MAGI2: variants seen among roughly 807,000 people sequenced by gnomAD.
MAGI2 encodes membrane associated guanylate kinase, WW and PDZ domain containing 2, also known as membrane-associated guanylate kinase, WW and PDZ domain-containing protein 2.
MAGI2 carries 35 observed loss-of-function variants against 133.3 expected under a neutral mutation model. That is an observed-to-expected ratio of 0.26 (90% CI 0.20 to 0.35). The LOEUF (loss-of-function observed/expected upper bound fraction) is 0.35. MAGI2 is among the 10% of genes least tolerant of loss of function. MAGI2 has a pLI of 1.00. For missense variants in MAGI2, 1,636 were observed against 1,863.4 expected (o/e 0.88, Z 2.25); for synonymous variants, 729 against 710.6 (o/e 1.03, Z -0.41).
intron 20 of MAGI2, among the ~76,000 whole-genome samples, chr7:78,087,892 C>T (rs1482575260): frequency 6.6e-6 from 1 of 152,144 alleles, no homozygotes; most frequent in Non-Finnish European, 1.5e-5. Context: ...GGAAAAATAA[C>T]TACCATCATT....
intron 2 of MAGI2, among the ~76,000 whole-genome samples, chr7:78,971,735 G>T (rs961168058): frequency 6.6e-6 from 1 of 151,920 alleles, no homozygotes; most frequent in Non-Finnish European, 1.5e-5. Flanking sequence ...TACTGACTTT[G>T]CTATTTACAA....
At chr7:79,328,438 T>C (rs538952648) in intron 1 of MAGI2, among the ~76,000 whole-genome samples, 8 of 152,274 alleles carry the variant, frequency 5.3e-5, no homozygotes, top group African/African-American at 1.7e-4. Flanking sequence ...AAAATATTTA[T>C]AACTACCAAT....
At chr7:78,369,362 T>C (rs1036272573) in intron 6 of MAGI2, 149 bp from the exon 7 acceptor site, 4 of 603,742 alleles carry the variant, frequency 6.6e-6, no homozygotes, top group African/African-American at 5.6e-5. Flanking sequence ...GAACATATTA[T>C]AGAAACTATA....
intron 6 of MAGI2, among the ~76,000 whole-genome samples, chr7:78,404,733 C>T (rs1016876743): frequency 6.6e-6 from 1 of 152,116 alleles, no homozygotes; most frequent in Non-Finnish European, 1.5e-5. Context: ...AATACCTAGG[C>T]AATACCATTC....
At chr7:79,345,268 A>T (rs1585649799) in intron 1 of MAGI2, among the ~76,000 whole-genome samples, 1 of 152,250 alleles carries the variant, frequency 6.6e-6, no homozygotes, top group Non-Finnish European at 1.5e-5. Flanking sequence ...CACCATGTGA[A>T]GATGATGGAA....
At chr7:79,100,407 C>T (rs1206312877) in intron 1 of MAGI2, among the ~76,000 whole-genome samples, 1 of 151,566 alleles carries the variant, frequency 6.6e-6, no homozygotes, top group Non-Finnish European at 1.5e-5. Context: ...TATATTTTAG[C>T]CAATATAATA....
chr7:78,803,925 T>A (rs1037517272), intron 2 of MAGI2, among the ~76,000 whole-genome samples: 1 of 152,354 alleles, frequency 6.6e-6, no homozygotes, highest in East Asian at 1.9e-4. Context: ...AAGAAAGCCA[T>A]GCTTAAATCA....
chr7:79,077,596 T>A (rs2109711), intron 1 of MAGI2, among the ~76,000 whole-genome samples: 25,157 of 39,202 alleles, frequency 0.64, 7,680 homozygotes, highest in African/African-American at 0.69. Context: ...AAAAAAAAAA[T>A]AAATAAATAA....
At chr7:78,932,219 A>G (rs1173564801) in intron 2 of MAGI2, among the ~76,000 whole-genome samples, 1 of 152,054 alleles carries the variant, frequency 6.6e-6, no homozygotes, top group Non-Finnish European at 1.5e-5. Context: ...ACCTATGTGC[A>G]TTACTTATTC....
chr7:78,649,752 G>A (rs1200671694), intron 2 of MAGI2, among the ~76,000 whole-genome samples: 1 of 152,030 alleles, frequency 6.6e-6, no homozygotes, highest in East Asian at 1.9e-4. Flanking sequence ...ATACAGATGG[G>A]AACATTGGTA....
intron 2 of MAGI2, among the ~76,000 whole-genome samples, chr7:78,871,012 A>G (rs538704138): frequency 6.6e-6 from 1 of 152,300 alleles, no homozygotes; most frequent in Admixed American, 6.5e-5. Flanking sequence ...ACCCAAATGC[A>G]TAAGAACAAT....
At chr7:79,303,320 A>G (rs1046685592) in intron 1 of MAGI2, among the ~76,000 whole-genome samples, 3 of 152,184 alleles carry the variant, frequency 2.0e-5, no homozygotes, top group African/African-American at 7.2e-5. Context: ...AACTTTAAAA[A>G]ATACCCTTCC....
Position 78,727,453 on chromosome 7 carries a change from T to C in MAGI2, c.419-100214A>G, listed in dbSNP as rs532742935. Among the ~76,000 whole-genome samples the C allele has an allele frequency of 8.5e-4, 129 of 152,344 alleles. No individual in the cohort carries two copies. The Middle Eastern group carries it at 0.014, about 16-fold the overall frequency. On this transcript the variant is annotated intron_variant, in intron 2 of 21. Coordinates refer to ENST00000354212, the MANE Select transcript of MAGI2 (RefSeq NM_012301.4). ...GTAATATGATCCTATTCCTTAGAGT[T>C]TGCTGTGACTATCAGAACTTTCAAG...
chr7:78,554,876 T>C (rs1451691183), intron 3 of MAGI2, among the ~76,000 whole-genome samples: 1 of 152,072 alleles, frequency 6.6e-6, no homozygotes, highest in South Asian at 2.1e-4. Context: ...GTGGCTCATG[T>C]GGGTAATCCC....
rs1382593189 is a variant in MAGI2 at position 78,701,574 on chromosome 7, G to A, written c.419-74335C>T. On this transcript the variant is annotated intron_variant, in intron 2 of 21. Transcript: ENST00000354212. ...AGTTCACAGAAAAGGTGGTATTTGT[G>A]CTAAGAATTTCTCTAATCCAGGTTA... Among the ~76,000 whole-genome samples, 5 of 152,018 alleles carry A rather than the reference G, an allele frequency of 3.3e-5. No individual in the cohort carries two copies. The East Asian group carries it at 9.7e-4, about 29-fold the overall frequency.
At chr7:78,269,627 G>T (rs181920677) in intron 9 of MAGI2, among the ~76,000 whole-genome samples, 55 of 152,192 alleles carry the variant, frequency 3.6e-4, no homozygotes, top group African/African-American at 1.3e-3. Flanking sequence ...TTTTGATGGG[G>T]TTGTTTGATT....
At chr7:79,362,406 T>C (rs530554795) in intron 1 of MAGI2, among the ~76,000 whole-genome samples, 3 of 152,206 alleles carry the variant, frequency 2.0e-5, no homozygotes, top group African/African-American at 7.2e-5. Flanking sequence ...TTCAGGCTCA[T>C]ACTGTTTCAC....
At chr7:78,384,245 T>C (rs1795186316) in intron 6 of MAGI2, among the ~76,000 whole-genome samples, 1 of 151,912 alleles carries the variant, frequency 6.6e-6, no homozygotes, top group Non-Finnish European at 1.5e-5. Context: ...ACATATTTTG[T>C]GAGACTTTTT....
chr7:78,194,559 C>T (rs1828541342), intron 12 of MAGI2, among the ~76,000 whole-genome samples: 2 of 152,040 alleles, frequency 1.3e-5, no homozygotes, highest in African/African-American at 4.8e-5. Flanking sequence ...AAAAGCCAAA[C>T]ACTTCTTTTC....
Sources: gnomAD v4.1 joint callset for allele counts (sites outside exome capture counted in the v4.1 genomes callset) on GRCh38, gnomAD v4.1.1 for gene constraint, MANE v1.5 for transcripts, NCBI Gene and HGNC (gene_info 2026-07-23, HGNC 2026-07-21) for gene names.